Variants in CARMIL1 observed in about 807,000 individuals in gnomAD.
The protein encoded by CARMIL1 is F-actin-uncapping protein LRRC16A.
A neutral mutation model predicts 177.1 loss-of-function variants in CARMIL1; 90 were observed. The observed-to-expected ratio is 0.51, with a 90% CI of 0.43 to 0.61. The LOEUF is 0.61. Among genes scored for constraint, CARMIL1 ranks in the 20% least tolerant of loss-of-function variants. The pLI is 0.00. For missense variants in CARMIL1, 1,380 were observed against 1,667.0 expected, an observed-to-expected ratio of 0.83 and a Z score of 3.00; for synonymous variants, 577 against 606.2, an observed-to-expected ratio of 0.95 and a Z score of 0.71.
intron 5 of CARMIL1, among the ~76,000 whole-genome samples, chr6:25,440,221 C>T (rs140717377): frequency 2.3e-4 from 35 of 152,242 alleles, no homozygotes; most frequent in East Asian, 2.1e-3. Flanking sequence ...TAACCTGAAG[C>T]AGATGAGACA....
chr6:25,539,866 A>G (rs1285360765), intron 25 of CARMIL1, 81 bp from the exon 26 acceptor site: 1 of 1,091,062 alleles, frequency 9.2e-7, no homozygotes, highest in Non-Finnish European at 1.3e-6. Flanking sequence ...GTATTCCTTC[A>G]CCCTTCTCAT....
At chr6:25,343,732 C>G (rs935364374) in intron 2 of CARMIL1, among the ~76,000 whole-genome samples, 1 of 152,074 alleles carries the variant, frequency 6.6e-6, no homozygotes, top group African/African-American at 2.4e-5. Context: ...GCAAACCCCC[C>G]ACTTCCTCAC....
intron 1 of CARMIL1, 21 bp from the exon 2 acceptor site, chr6:25,284,791 A>G (rs755462052): frequency 2.2e-6 from 3 of 1,362,482 alleles, no homozygotes; most frequent in South Asian, 1.3e-5. Context: ...TATTAATAAC[A>G]TAATTCCTTT....
chr6:25,619,582 A>G lies in CARMIL1; in HGVS notation c.4115A>G (p.Ter1372=), dbSNP rs756295137. Residue 1372 remains the stop codon, a stop_retained_variant, in exon 37 of 37, where the codon TAA becomes TGA. Coordinates refer to ENST00000329474, the MANE Select transcript of CARMIL1 (RefSeq NM_017640.6). ...GCAGAAAAAGAGTTTATTTTTGTGT[A>G]AAGGTCACCCACGCAGAAGTCTTCC... ...EEAEKEFIFV[*] is the part of the protein sequence containing the mutation. 1 of 1,613,454 alleles carries G rather than the reference A, an allele frequency of 6.2e-7. No individual in the cohort carries two copies. Among genetic ancestry groups the G allele is most frequent in the Non-Finnish European group, 8.5e-7 (1 of 1,179,658 alleles).
intron 29 of CARMIL1, among the ~76,000 whole-genome samples, chr6:25,566,920 A>T (rs1030350986): frequency 6.6e-6 from 1 of 152,248 alleles, no homozygotes; most frequent in African/African-American, 2.4e-5. Flanking sequence ...GGTTCAATTA[A>T]TGAGAACATT....
Position 25,600,584 on chromosome 6 carries a change from C to T in CARMIL1, c.3390C>T (p.Asp1130=), listed in dbSNP as rs755428707. The T allele has an allele frequency of 5.4e-5, 87 of 1,613,858 alleles. No homozygotes were observed. The highest frequency in any genetic ancestry group is 7.0e-5 in the Non-Finnish European group (83 of 1,179,898). The change falls in exon 33 of 37, where the codon GAC becomes GAT. Residue 1130 remains aspartate, a synonymous_variant. Transcript: ENST00000329474. ...SERIEEIKTP[D]SFEESQGEEI... is the part of the protein sequence containing the mutation. ...GGATAGAGGAGATAAAAACACCTGA[C>T]TCCTTTGAAGAGAGTCAAGGGGAAG...
At chr6:25,477,120 CA>C (rs796882992) in intron 11 of CARMIL1, among the ~76,000 whole-genome samples, 20 of 138,632 alleles carry the variant, frequency 1.4e-4, no homozygotes, top group African/African-American at 3.4e-4. Flanking sequence ...CAAACAACAA[CA>C]AAAAAAAAAC....
At chr6:25,423,905 C>G (rs1796075238) in intron 3 of CARMIL1, among the ~76,000 whole-genome samples, 1 of 152,188 alleles carries the variant, frequency 6.6e-6, no homozygotes, top group African/African-American at 2.4e-5. Context: ...CCTGCCTCTT[C>G]CTGCCCATAA....
intron 22 of CARMIL1, 41 bp from the exon 23 acceptor site, chr6:25,520,203 A>G: frequency 1.1e-6 from 1 of 932,112 alleles, no homozygotes; most frequent in Middle Eastern, 2.8e-4. Context: ...GGTAATAGGA[A>G]GTTATTTTTA....
chr6:25,373,003 A>G (rs1416688271), intron 2 of CARMIL1, among the ~76,000 whole-genome samples: 5 of 152,270 alleles, frequency 3.3e-5, no homozygotes, highest in South Asian at 2.1e-4. Context: ...AAGATGATCA[A>G]TAGATTTTTG....
At chr6:25,553,967 C>A (rs1349298972) in intron 27 of CARMIL1, 42 bp from the exon 28 acceptor site, 4 of 1,338,642 alleles carry the variant, frequency 3.0e-6, no homozygotes, top group Admixed American at 3.9e-5. Context: ...TCCCCTCTTG[C>A]ACAAATTAAA....
At chr6:25,341,155 C>T (rs1036165280) in intron 2 of CARMIL1, among the ~76,000 whole-genome samples, 1 of 122,546 alleles carries the variant, frequency 8.2e-6, no homozygotes, top group Admixed American at 8.1e-5. Context: ...TTTACAGAGG[C>T]GTAAACGGGA....
At chr6:25,492,970 GGT>G (rs1303032216) in intron 15 of CARMIL1, among the ~76,000 whole-genome samples, 1 of 152,098 alleles carries the variant, frequency 6.6e-6, no homozygotes, top group African/African-American at 2.4e-5. Context: ...AAAATATAAT[GGT>G]GGGAAAAGTT....
At chr6:25,426,589 A>T (rs758079830) in intron 4 of CARMIL1, 29 bp downstream of exon 4, 40 of 1,590,202 alleles carry the variant, frequency 2.5e-5, no homozygotes, top group Non-Finnish European at 3.4e-5. Flanking sequence ...TCACTGCAAG[A>T]TCATGATCTT....
chr6:25,325,611 T>G (rs1785015311), intron 2 of CARMIL1, among the ~76,000 whole-genome samples: 1 of 152,230 alleles, frequency 6.6e-6, no homozygotes, highest in African/African-American at 2.4e-5. Flanking sequence ...GTTTTTGCCT[T>G]TACTGAAAAG....
intron 32 of CARMIL1, among the ~76,000 whole-genome samples, chr6:25,595,826 T>C (rs539362864): frequency 6.6e-6 from 1 of 152,344 alleles, no homozygotes; most frequent in East Asian, 1.9e-4. Flanking sequence ...TGATTTGCTT[T>C]CAAGGCTTTT....
intron 8 of CARMIL1, 31 bp downstream of exon 8, chr6:25,450,742 T>G: frequency 1.3e-6 from 1 of 775,266 alleles, no homozygotes; most frequent in Non-Finnish European, 1.9e-6. Context: ...TTTCCTCCTT[T>G]CCTCCCTCCC....
chr6:25,414,682 C>G (rs1795215968), intron 2 of CARMIL1, among the ~76,000 whole-genome samples: 1 of 152,090 alleles, frequency 6.6e-6, no homozygotes, highest in Admixed American at 6.5e-5. Context: ...AATTTTCATT[C>G]TTGCTTTAAA....
intron 2 of CARMIL1, among the ~76,000 whole-genome samples, chr6:25,341,499 G>A (rs940003412): frequency 3.3e-5 from 5 of 152,192 alleles, no homozygotes; most frequent in African/African-American, 9.6e-5. Context: ...TGAGGCGGGT[G>A]GATCACCTGA....
Sources: allele counts gnomAD v4.1 joint callset (sites outside exome capture counted in the v4.1 genomes callset), GRCh38; gene constraint gnomAD v4.1.1; transcripts MANE v1.5; gene names NCBI Gene and HGNC (gene_info 2026-07-23, HGNC 2026-07-21).